The following PCDH9 variants were observed in gnomAD, a reference collection of about 807,000 sequenced individuals.
PCDH9 encodes the protein protocadherin-9.
A neutral mutation model predicts 70.6 loss-of-function variants in PCDH9; 24 were observed. The ratio of observed to expected loss-of-function variants is 0.34; its 90% confidence interval spans 0.25 to 0.48. The LOEUF is 0.48. PCDH9 is among the 20% of genes least tolerant of loss of function. The probability of loss-of-function intolerance (pLI) is 0.99; values close to 1 mark genes in which losing one functional copy is unlikely to be tolerated. For synonymous variants in PCDH9, 562 were observed against 558.5 expected (o/e 1.01, Z -0.09); for missense variants, 1,281 against 1,503.6 (o/e 0.85, Z 2.45).
chr13:66,330,229 G>A lies in PCDH9; in HGVS notation c.3341-25201C>T, dbSNP rs192220782. The stretch of plus-strand genomic sequence containing the variant: ...CTCTTTAAAATCCTCTGGTCCAATA[G>A]CCTGGCACTGGCTGCTTATTCAGGA... On this transcript the variant is annotated intron_variant, in intron 4 of 4. Transcript: ENST00000377865. Among the ~76,000 whole-genome samples, 65 of 152,290 alleles carry A rather than the reference G, an allele frequency of 4.3e-4. 2 individuals are homozygous for A. The East Asian group carries it at 0.012, about 28-fold the overall frequency.
intron 4 of PCDH9, among the ~76,000 whole-genome samples, chr13:66,545,490 A>T (rs987227605): frequency 2.0e-5 from 3 of 152,186 alleles, no homozygotes; most frequent in African/African-American, 4.8e-5. Flanking sequence ...TTTACAAATT[A>T]TACACTTATT....
intron 2 of PCDH9, among the ~76,000 whole-genome samples, chr13:66,964,232 T>C (rs181034980): frequency 1.8e-3 from 279 of 152,080 alleles, no homozygotes; most frequent in African/African-American, 6.2e-3. Flanking sequence ...GTCTAATGCA[T>C]ATAAAGATTA....
intron 2 of PCDH9, among the ~76,000 whole-genome samples, chr13:66,963,278 C>A (rs2083378537): frequency 6.6e-6 from 1 of 152,136 alleles, no homozygotes; most frequent in Non-Finnish European, 1.5e-5. Flanking sequence ...GGGTTGGAGA[C>A]TCCTATAACA....
At chr13:66,428,915 A>T (rs1315156828) in intron 4 of PCDH9, among the ~76,000 whole-genome samples, 1 of 151,824 alleles carries the variant, frequency 6.6e-6, no homozygotes, top group African/African-American at 2.4e-5. Context: ...TAAATCTATA[A>T]GTAATCAAAT....
intron 2 of PCDH9, among the ~76,000 whole-genome samples, chr13:67,007,296 A>T (rs2084371717): frequency 6.6e-6 from 1 of 152,182 alleles, no homozygotes; most frequent in Admixed American, 6.5e-5. Flanking sequence ...ATTTATAAGT[A>T]TTAAAAGATA....
intron 4 of PCDH9, among the ~76,000 whole-genome samples, chr13:66,363,499 G>A (rs1956504917): frequency 6.6e-6 from 1 of 152,056 alleles, no homozygotes; most frequent in South Asian, 2.1e-4. Flanking sequence ...TTATAAAATA[G>A]AAGTTCAATA....
chr13:67,127,676 A>ATATGTGTGTGTG (rs1555310054), intron 2 of PCDH9, among the ~76,000 whole-genome samples: 4 of 145,490 alleles, frequency 2.7e-5, no homozygotes, highest in Middle Eastern at 3.2e-3. Flanking sequence ...ATATATATAT[A>ATATGTGTGTGTG]TGTGTGTGTG....
chr13:66,943,674 C>A (rs1380400565), intron 2 of PCDH9, among the ~76,000 whole-genome samples: 9 of 151,818 alleles, frequency 5.9e-5, no homozygotes, highest in African/African-American at 1.9e-4. Context: ...TCTCTATAAC[C>A]AAAGGATATG....
intron 4 of PCDH9, among the ~76,000 whole-genome samples, chr13:66,430,845 G>T (rs904516799): frequency 1.3e-5 from 2 of 152,030 alleles, no homozygotes. Context: ...TGTAGTGTGG[G>T]TATAAAAGAA....
At position 66,400,874 on chromosome 13, in the gene PCDH9, C is replaced by T. The variant is rs79900012; in HGVS notation, c.3341-95846G>A. ...TCCAAGACTCTTCAGTCAGTGATTT[C>T]CATTCCTCTGTGCTTTAGAAGTTAA... On this transcript the variant is annotated intron_variant, in intron 4 of 4. Transcript: ENST00000377865. Among the ~76,000 whole-genome samples, 745 of 152,244 alleles carry T rather than the reference C, an allele frequency of 4.9e-3. 24 individuals carry two copies. The East Asian group carries it at 0.074, about 15-fold the overall frequency.
intron 4 of PCDH9, among the ~76,000 whole-genome samples, chr13:66,391,354 T>C (rs888944854): frequency 2.0e-5 from 3 of 152,228 alleles, no homozygotes; most frequent in African/African-American, 7.2e-5. Flanking sequence ...TAATGAAAGT[T>C]GCATAATGTA....
intron 2 of PCDH9, among the ~76,000 whole-genome samples, chr13:67,003,954 G>T (rs984429433): frequency 6.6e-6 from 1 of 152,144 alleles, no homozygotes; most frequent in Non-Finnish European, 1.5e-5. Flanking sequence ...ATGTGCAGGG[G>T]AAATGTAACA....
At chr13:67,138,722 C>T (rs1216491275) in intron 2 of PCDH9, among the ~76,000 whole-genome samples, 4 of 152,128 alleles carry the variant, frequency 2.6e-5, no homozygotes, top group Non-Finnish European at 5.9e-5. Flanking sequence ...TCCCTTTGTC[C>T]TTGCTTTGTT....
At chr13:66,645,045 T>C (rs1420576773) in intron 3 of PCDH9, among the ~76,000 whole-genome samples, 1 of 152,094 alleles carries the variant, frequency 6.6e-6, no homozygotes, top group African/African-American at 2.4e-5. Context: ...AGAAGGCATC[T>C]TATCTGAGGC....
At chr13:66,584,782 C>A (rs2076940900) in intron 4 of PCDH9, among the ~76,000 whole-genome samples, 1 of 151,936 alleles carries the variant, frequency 6.6e-6, no homozygotes, top group South Asian at 2.1e-4. Context: ...TAGTTACTGG[C>A]CTGTAGAGGC....
chr13:66,355,242 C>T (rs1956361896), intron 4 of PCDH9, among the ~76,000 whole-genome samples: 1 of 151,908 alleles, frequency 6.6e-6, no homozygotes, highest in African/African-American at 2.4e-5. Flanking sequence ...TTCACAGATT[C>T]TGTATTTGCA....
At chr13:66,729,062 T>C (rs573601876) in intron 3 of PCDH9, among the ~76,000 whole-genome samples, 54 of 152,208 alleles carry the variant, frequency 3.5e-4, no homozygotes, top group Non-Finnish European at 6.2e-4. Flanking sequence ...AGTCTATAAA[T>C]TTTTCTGCTT....
intron 3 of PCDH9, among the ~76,000 whole-genome samples, chr13:66,797,960 G>T (rs4625614): frequency 0.47 from 68,998 of 147,090 alleles, 16,117 homozygotes; most frequent in East Asian, 0.6. Flanking sequence ...TTTCTTGGGG[G>T]GTGTGTGTGT....
At chr13:66,462,818 G>A (rs1277913207) in intron 4 of PCDH9, among the ~76,000 whole-genome samples, 1 of 151,688 alleles carries the variant, frequency 6.6e-6, no homozygotes, top group Non-Finnish European at 1.5e-5. Flanking sequence ...CCATTACCCA[G>A]AGCTGAGGGA....
Sources: gnomAD v4.1 joint callset for allele counts (sites outside exome capture counted in the v4.1 genomes callset) on GRCh38, gnomAD v4.1.1 for gene constraint, MANE v1.5 for transcripts, NCBI Gene and HGNC (gene_info 2026-07-23, HGNC 2026-07-21) for gene names.